RASGRF2: variants seen among roughly 807,000 people sequenced by gnomAD.
The protein encoded by RASGRF2 is ras-specific guanine nucleotide-releasing factor 2.
In RASGRF2, 76 loss-of-function variants were observed where a neutral mutation model predicts 151.0. The ratio of observed to expected loss-of-function variants is 0.50; its 90% CI spans 0.42 to 0.61. The LOEUF is 0.61. Among genes scored for constraint, RASGRF2 ranks in the 20% least tolerant of loss-of-function variants. The pLI is 0.00. For synonymous variants in RASGRF2, 504 were observed against 566.5 expected (o/e 0.89, Z 1.57); for missense variants, 1,148 against 1,564.6 (o/e 0.73, Z 4.49).
chr5:80,971,689 C>G (rs1453450675), intron 1 of RASGRF2, among the ~76,000 whole-genome samples: 2 of 151,946 alleles, frequency 1.3e-5, no homozygotes, highest in African/African-American at 2.4e-5. Context: ...TCTCAGCCCC[C>G]CAAGTAGCTG....
At chr5:80,990,165 C>T (rs2112259882) in intron 1 of RASGRF2, among the ~76,000 whole-genome samples, 1 of 151,994 alleles carries the variant, frequency 6.6e-6, no homozygotes, top group Non-Finnish European at 1.5e-5. Context: ...ATTTGCTTAG[C>T]CCAGTGCTCT....
chr5:81,042,844 A>T, intron 1 of RASGRF2, 33 bp from the exon 2 acceptor site: 2 of 1,479,586 alleles, frequency 1.4e-6, no homozygotes, highest in Non-Finnish European at 9.3e-7. Context: ...TGAAAAATAG[A>T]ACTAAGTTTT....
At chr5:81,086,764 C>G in intron 8 of RASGRF2, 71 bp from the exon 9 acceptor site, 1 of 1,253,854 alleles carries the variant, frequency 8.0e-7, no homozygotes, top group Non-Finnish European at 1.2e-6. Flanking sequence ...TCAGATGGAG[C>G]TCTTCTTTGC....
chr5:81,091,232 T>G (rs1437800645), intron 9 of RASGRF2, among the ~76,000 whole-genome samples: 2 of 152,168 alleles, frequency 1.3e-5, no homozygotes, highest in East Asian at 3.9e-4. Context: ...AGCCCATCCT[T>G]CTGCTGCTAT....
chr5:81,000,004 G>A (rs535083), intron 1 of RASGRF2, among the ~76,000 whole-genome samples: 128,723 of 152,142 alleles, frequency 0.85, 54,814 homozygotes, highest in Middle Eastern at 0.93. Context: ...CACGATATCT[G>A]GGACCTCTGC....
chr5:81,198,865 A>C (rs1755328441), intron 18 of RASGRF2, among the ~76,000 whole-genome samples: 1 of 152,250 alleles, frequency 6.6e-6, no homozygotes, highest in Non-Finnish European at 1.5e-5. Flanking sequence ...ATAATGCAGC[A>C]ATGAACATGC....
intron 1 of RASGRF2, among the ~76,000 whole-genome samples, chr5:81,005,288 A>G (rs1349114074): frequency 6.6e-6 from 1 of 152,144 alleles, no homozygotes; most frequent in Non-Finnish European, 1.5e-5. Context: ...GCGGAAGGGG[A>G]AGCAAACATG....
chr5:81,110,697 G>C (rs1024392345), intron 13 of RASGRF2, among the ~76,000 whole-genome samples: 2 of 152,080 alleles, frequency 1.3e-5, no homozygotes, highest in Non-Finnish European at 2.9e-5. Flanking sequence ...AGATTTTTTG[G>C]TGGAAAATGA....
chr5:80,976,445 G>A (rs1748117747), intron 1 of RASGRF2, among the ~76,000 whole-genome samples: 1 of 152,198 alleles, frequency 6.6e-6, no homozygotes, highest in African/African-American at 2.4e-5. Context: ...ATGGCCCTTA[G>A]CTAGGAGCTG....
intron 1 of RASGRF2, among the ~76,000 whole-genome samples, chr5:81,033,627 C>T (rs1234790951): frequency 3.3e-5 from 5 of 150,670 alleles, no homozygotes; most frequent in Admixed American, 1.3e-4. Flanking sequence ...CCCTTCCTTA[C>T]ACCTTATACA....
intron 5 of RASGRF2, 45 bp from the exon 6 acceptor site, chr5:81,080,076 A>G (rs1752042922): frequency 6.4e-7 from 1 of 1,568,468 alleles, no homozygotes; most frequent in Non-Finnish European, 8.6e-7. Context: ...AACAAAATAA[A>G]CACATTATAG....
chr5:81,184,864 T>C (rs1228215906), intron 18 of RASGRF2, among the ~76,000 whole-genome samples: 1 of 152,210 alleles, frequency 6.6e-6, no homozygotes, highest in Non-Finnish European at 1.5e-5. Flanking sequence ...CCAGGCAGTC[T>C]CTGACCTCAA....
intron 1 of RASGRF2, among the ~76,000 whole-genome samples, chr5:81,024,261 T>C (rs1359757678): frequency 1.4e-5 from 2 of 143,880 alleles, no homozygotes; most frequent in Non-Finnish European, 3.0e-5. Flanking sequence ...TTTTTTTTTT[T>C]TTTTTTTTTT....
At chr5:81,047,712 G>A (rs986449020) in intron 2 of RASGRF2, among the ~76,000 whole-genome samples, 3 of 152,250 alleles carry the variant, frequency 2.0e-5, no homozygotes, top group African/African-American at 7.2e-5. Flanking sequence ...TCTCCAACCT[G>A]ACGAGCAGAG....
At chr5:80,967,655 C>T (rs1055979603) in intron 1 of RASGRF2, among the ~76,000 whole-genome samples, 11 of 151,972 alleles carry the variant, frequency 7.2e-5, no homozygotes, top group African/African-American at 1.7e-4. Context: ...ATTTATAAGC[C>T]CATGCCATTT....
At chr5:81,173,401 G>C (rs1340620531) in intron 17 of RASGRF2, among the ~76,000 whole-genome samples, 4 of 152,080 alleles carry the variant, frequency 2.6e-5, no homozygotes, top group Non-Finnish European at 5.9e-5. Flanking sequence ...AACAAATAAA[G>C]ATGGAAGTAG....
intron 4 of RASGRF2, among the ~76,000 whole-genome samples, chr5:81,070,955 T>G (rs1480015363): frequency 6.6e-6 from 1 of 152,190 alleles, no homozygotes; most frequent in African/African-American, 2.4e-5. Context: ...AAAGATTTTT[T>G]GGGGGGCATG....
chr5:80,994,252 G>C (rs1748753335), intron 1 of RASGRF2, among the ~76,000 whole-genome samples: 1 of 151,752 alleles, frequency 6.6e-6, no homozygotes, highest in African/African-American at 2.4e-5. Flanking sequence ...TGTAGTCCCA[G>C]CTACTCAGGA....
rs12659613 is a variant in RASGRF2 at position 80,986,184 on chromosome 5, G to A, written c.288+25158G>A. 1.1e-3 allele frequency among the ~76,000 whole-genome samples: 173 copies of A among 152,246 alleles called. 1 individual carries two copies. The highest frequency in any genetic ancestry group is 4.0e-3 in the African/African-American group (168 of 41,548). Reference sequence around the variant, plus strand: ...GAAATTATATGTTTTGGGAAATTTAGGTATAGCTTCAGCTAAGTTAATGGG... The same window carrying A: ...GAAATTATATGTTTTGGGAAATTTAAGTATAGCTTCAGCTAAGTTAATGGG... On this transcript the variant is annotated intron_variant, in intron 1 of 26. Transcript: ENST00000265080.
Sources: gnomAD v4.1 joint callset for allele counts (sites outside exome capture counted in the v4.1 genomes callset) on GRCh38, gnomAD v4.1.1 for gene constraint, MANE v1.5 for transcripts, NCBI Gene and HGNC (gene_info 2026-07-23, HGNC 2026-07-21) for gene names.